The following IDO2 variants were observed in gnomAD, a reference collection of about 807,000 sequenced individuals.
IDO2 encodes indoleamine 2,3-dioxygenase-like 1 protein.
Under a neutral mutation model 45.1 loss-of-function variants are expected in IDO2, and 46 were observed. That is an observed-to-expected ratio of 1.02 (90% CI 0.80 to 1.30). The LOEUF (loss-of-function observed/expected upper bound fraction) is 1.30. Among genes scored for constraint, IDO2 ranks in the 50% most tolerant of loss-of-function variants. The pLI, the probability that IDO2 is intolerant of heterozygous loss-of-function variation, is 0.00. For missense variants in IDO2, 544 were observed against 491.8 expected (o/e 1.11, Z -1.00); for synonymous variants, 218 against 184.9 (o/e 1.18, Z -1.45).
chr8:39,937,357 A>G lies in IDO2; in HGVS notation c.-18+2139A>G, dbSNP rs760590397. Among the ~76,000 whole-genome samples the G allele has an allele frequency of 9.9e-4, 151 of 152,200 alleles. 1 individual carries two copies. The highest frequency in any genetic ancestry group is 1.6e-3 in the Non-Finnish European group (112 of 68,032). ...AAATTGCAGTGTCTTTCATCTCTTT[A>G]AAGTTTTCTAATCAAAATTCTAGTT... On this transcript the variant is annotated intron_variant, in intron 1 of 10. Coordinates refer to ENST00000502986, the Ensembl canonical transcript of IDO2.
intron 8 of IDO2, among the ~76,000 whole-genome samples, chr8:39,991,565 CTTTTT>C (rs61354300): frequency 9.7e-6 from 1 of 103,326 alleles, no homozygotes; most frequent in Admixed American, 1.2e-4. Context: ...AGACTCACTT[CTTTTT>C]TTTTTTTTTT....
intron 3 of IDO2, among the ~76,000 whole-genome samples, chr8:39,970,999 C>T (rs780113888): frequency 4.0e-5 from 6 of 151,160 alleles, no homozygotes; most frequent in Non-Finnish European, 8.9e-5. Context: ...TCTCTGACCT[C>T]GTGATCCACC....
chr8:39,993,247 T>C (rs1321661593), intron 8 of IDO2, among the ~76,000 whole-genome samples: 1 of 152,170 alleles, frequency 6.6e-6, no homozygotes, highest in Non-Finnish European at 1.5e-5. Flanking sequence ...TCTTCTTTTT[T>C]TGGCATGCTT....
intron 9 of IDO2, among the ~76,000 whole-genome samples, chr8:40,007,153 T>A (rs886335195): frequency 6.6e-6 from 1 of 151,550 alleles, no homozygotes; most frequent in African/African-American, 2.4e-5. Flanking sequence ...CAAATAGATA[T>A]CATCTAGTGG....
chr8:39,992,526 G>T (rs1019068453), intron 8 of IDO2, among the ~76,000 whole-genome samples: 3 of 152,132 alleles, frequency 2.0e-5, no homozygotes, highest in Non-Finnish European at 4.4e-5. Context: ...GAATATAGTG[G>T]TTTTTTCACA....
intron 2 of IDO2, among the ~76,000 whole-genome samples, chr8:39,960,946 C>A (rs939829021): frequency 2.7e-5 from 4 of 147,298 alleles, no homozygotes; most frequent in African/African-American, 9.8e-5. Flanking sequence ...ACACGCCCAG[C>A]TAATTTTTTT....
intron 9 of IDO2, among the ~76,000 whole-genome samples, chr8:40,009,794 A>T (rs1036956639): frequency 1.3e-5 from 2 of 152,228 alleles, no homozygotes; most frequent in African/African-American, 4.8e-5. Flanking sequence ...AAGCAGATTG[A>T]TTAATGTCTC....
At chr8:39,957,603 T>C (rs762954492) in intron 2 of IDO2, among the ~76,000 whole-genome samples, 2 of 152,096 alleles carry the variant, frequency 1.3e-5, no homozygotes, top group Non-Finnish European at 2.9e-5. Context: ...CAGAGTGAGA[T>C]CCTGTCTCTA....
intron 3 of IDO2, among the ~76,000 whole-genome samples, chr8:39,966,026 C>CTTTTTTTTT (rs59731560): frequency 5.2e-5 from 5 of 96,538 alleles, no homozygotes; most frequent in African/African-American, 1.1e-4. Flanking sequence ...TCTATCGCTT[C>CTTTTTTTTT]TTTTTTTTTT....
intron 10 of IDO2, among the ~76,000 whole-genome samples, chr8:40,014,455 A>G (rs534486592): frequency 7.1e-4 from 108 of 152,318 alleles, no homozygotes; most frequent in African/African-American, 2.5e-3. Flanking sequence ...GGCTATTACT[A>G]AAACAGTGAC....
chr8:39,971,704 A>T (rs1322601243), intron 3 of IDO2, among the ~76,000 whole-genome samples: 2 of 152,230 alleles, frequency 1.3e-5, no homozygotes, highest in Non-Finnish European at 2.9e-5. Context: ...TCAAGACTTG[A>T]GCAGAGGAAG....
intron 3 of IDO2, among the ~76,000 whole-genome samples, chr8:39,977,360 T>C (rs961926413): frequency 6.6e-6 from 1 of 152,244 alleles, no homozygotes; most frequent in Non-Finnish European, 1.5e-5. Flanking sequence ...AAATAACTGC[T>C]GTTATAATGC....
chr8:39,998,204 T>C (rs877290), intron 8 of IDO2: 70,996 of 154,228 alleles, frequency 0.46, 17,040 homozygotes, highest in South Asian at 0.54. Context: ...ATAAAGCTGA[T>C]GAACACACGT....
In IDO2 at chr8:39,988,323, G is replaced by A. The variant is rs143260092; in HGVS notation, c.549+353G>A. On this transcript the variant is annotated intron_variant, in intron 7 of 10. Transcript: ENST00000502986. The stretch of plus-strand genomic sequence containing the variant: ...GATTACAGGTGTGAGCCACTGCACC[G>A]GGCCTCAAACTGGAAATTCTTCAGG... Among the ~76,000 whole-genome samples, 937 of 151,866 alleles carry A rather than the reference G, an allele frequency of 6.2e-3. 8 individuals carry two copies. The highest frequency in any genetic ancestry group is 0.02 in the African/African-American group (844 of 41,404).
In IDO2 at chr8:40,015,513, G is replaced by T; in HGVS notation, c.1135G>T (p.Asp379Tyr). Residue 379 changes from aspartate to tyrosine, a missense_variant, in exon 11 of 11, where the codon GAC (aspartate) becomes TAC (tyrosine). Coordinates refer to ENST00000502986, the Ensembl canonical transcript of IDO2. The stretch of plus-strand genomic sequence containing the variant: ...CCCAGGGCCTCCTCAGGCTTTAAAA[G>T]ACAGGGGCACAGGTGGAACCGCAGT... 1 of 1,613,980 alleles carries T rather than the reference G, an allele frequency of 6.2e-7. No homozygotes were observed.
At chr8:39,969,264 G>C (rs1181800777) in intron 3 of IDO2, among the ~76,000 whole-genome samples, 1 of 152,112 alleles carries the variant, frequency 6.6e-6, no homozygotes, top group African/African-American at 2.4e-5. Context: ...GTCATATTTT[G>C]ATAATTATAA....
chr8:39,995,203 C>CTT (rs1563438203), intron 8 of IDO2: 1 of 61,476 alleles, frequency 1.6e-5, no homozygotes, highest in Non-Finnish European at 3.0e-5. Flanking sequence ...TTCTTCTTCT[C>CTT]CTTCTCCTTC....
intron 5 of IDO2, 83 bp downstream of exon 5, chr8:39,982,853 C>A: frequency 1.1e-6 from 1 of 888,954 alleles, no homozygotes; most frequent in South Asian, 1.7e-5. Flanking sequence ...TAGGGAAGTT[C>A]ATATTTATGG....
chr8:39,993,694 T>A (rs1456119794), intron 8 of IDO2, among the ~76,000 whole-genome samples: 1 of 152,210 alleles, frequency 6.6e-6, no homozygotes, highest in African/African-American at 2.4e-5. Flanking sequence ...AACATCTCTT[T>A]ATTTTTCTTT....
Sources: gnomAD v4.1 joint callset for allele counts (sites outside exome capture counted in the v4.1 genomes callset) on GRCh38, gnomAD v4.1.1 for gene constraint, MANE v1.5 for transcripts, NCBI Gene and HGNC (gene_info 2026-07-23, HGNC 2026-07-21) for gene names.